The following MYO16 variants were observed in gnomAD, a reference collection of about 807,000 sequenced individuals.
The protein encoded by MYO16 is myosin XVI.
MYO16 carries 94 observed loss-of-function variants against 205.3 expected under a neutral mutation model. The ratio of observed to expected loss-of-function variants is 0.46; its 90% confidence interval spans 0.39 to 0.54. MYO16 has a LOEUF of 0.54. Among genes scored for constraint, MYO16 ranks in the 20% least tolerant of loss-of-function variants. The pLI, the probability that MYO16 is intolerant of heterozygous loss-of-function variation, is 0.00. For missense variants in MYO16, 2,315 were observed against 2,387.5 expected (o/e 0.97, Z 0.63); for synonymous variants, 988 against 954.0 (o/e 1.04, Z -0.66).
chr13:109,050,250 C>A (rs1887201285), intron 24 of MYO16, among the ~76,000 whole-genome samples: 1 of 151,908 alleles, frequency 6.6e-6, no homozygotes, highest in South Asian at 2.1e-4. Context: ...AGTTCTTCAG[C>A]TTTTCTCTCT....
At chr13:108,876,345 C>A (rs1302540044) in intron 12 of MYO16, among the ~76,000 whole-genome samples, 3 of 151,736 alleles carry the variant, frequency 2.0e-5, no homozygotes, top group Non-Finnish European at 4.4e-5. Context: ...TGGGATGCAT[C>A]TTTAAGGGTA....
At chr13:108,569,540 T>C in the MYO16 span, among the ~76,000 whole-genome samples, 2 of 152,166 alleles carry the variant, frequency 1.3e-5, no homozygotes, top group African/African-American at 4.8e-5. Context: ...CTGATAGATT[T>C]ATGGTGTATA....
At chr13:108,578,206 A>C in the MYO16 span, among the ~76,000 whole-genome samples, 13 of 152,160 alleles carry the variant, frequency 8.5e-5, no homozygotes. Flanking sequence ...GGATTTGTGC[A>C]TTTGTCTGAA....
chr13:108,939,894 ATATTAGCTTTAC>A, intron 16 of MYO16, among the ~76,000 whole-genome samples: 1 of 152,284 alleles, frequency 6.6e-6, no homozygotes, highest in Admixed American at 6.5e-5. Flanking sequence ...TTCATATCAT[ATATTAGCTTTAC>A]TGTATCTGTG....
the MYO16 span, among the ~76,000 whole-genome samples, chr13:108,587,230 A>G: frequency 1.3e-5 from 2 of 152,298 alleles, no homozygotes; most frequent in South Asian, 2.1e-4. Flanking sequence ...TATGACCATG[A>G]CTGTGAGGAG....
At chr13:108,497,114 A>G in the MYO16 span, among the ~76,000 whole-genome samples, 5 of 152,298 alleles carry the variant, frequency 3.3e-5, no homozygotes, top group African/African-American at 1.2e-4. Context: ...TAGAATCTAG[A>G]GGAAGAACAA....
intron 28 of MYO16, among the ~76,000 whole-genome samples, chr13:109,119,761 T>A (rs9555559): frequency 0.072 from 10,962 of 152,232 alleles, 860 homozygotes; most frequent in East Asian, 0.43. Flanking sequence ...AGTATGTTCA[T>A]CCCTACTACT....
At chr13:108,972,280 T>TATATATATATATATA (rs57199843) in intron 20 of MYO16, among the ~76,000 whole-genome samples, 1 of 73,888 alleles carries the variant, frequency 1.4e-5, no homozygotes, top group Non-Finnish European at 2.6e-5. Flanking sequence ...TATATATATA[T>TATATATATATATATA]TTACCAGCCA....
intron 9 of MYO16, among the ~76,000 whole-genome samples, chr13:108,837,082 C>A (rs886230543): frequency 2.0e-5 from 3 of 152,156 alleles, no homozygotes; most frequent in African/African-American, 7.2e-5. Flanking sequence ...ATTGTAGTTC[C>A]CATAATCCCC....
chr13:108,743,767 C>T (rs761159223), intron 4 of MYO16, among the ~76,000 whole-genome samples: 1 of 152,222 alleles, frequency 6.6e-6, no homozygotes, highest in Admixed American at 6.5e-5. Context: ...GGAACCAAAG[C>T]ATTCTGTCAT....
chr13:108,507,006 A>G, the MYO16 span, among the ~76,000 whole-genome samples: 1 of 152,178 alleles, frequency 6.6e-6, no homozygotes, highest in Non-Finnish European at 1.5e-5. Flanking sequence ...TTGTATGTTG[A>G]ACCATCCTTA....
intron 11 of MYO16, among the ~76,000 whole-genome samples, chr13:108,861,736 A>G (rs1398211100): frequency 6.6e-6 from 1 of 152,046 alleles, no homozygotes; most frequent in African/African-American, 2.4e-5. Context: ...TTTGTTGTTC[A>G]TTTGATTATC....
intron 16 of MYO16, among the ~76,000 whole-genome samples, chr13:108,920,588 AG>A (rs1245059965): frequency 6.6e-6 from 1 of 152,144 alleles, no homozygotes; most frequent in Non-Finnish European, 1.5e-5. Flanking sequence ...CCTCCCGAGT[AG>A]CTGGGATTAC....
At chr13:108,586,804 C>T in the MYO16 span, among the ~76,000 whole-genome samples, 3 of 152,194 alleles carry the variant, frequency 2.0e-5, no homozygotes, top group African/African-American at 7.2e-5. Flanking sequence ...TCCTTAACCC[C>T]TCAGTCTGGA....
At chr13:109,168,583 G>A (rs1878791616) in intron 33 of MYO16, among the ~76,000 whole-genome samples, 1 of 152,046 alleles carries the variant, frequency 6.6e-6, no homozygotes, top group Non-Finnish European at 1.5e-5. Context: ...AAATCAGCTG[G>A]GCTTGGTGGT....
chr13:109,150,273 C>T (rs1173213681), intron 32 of MYO16, among the ~76,000 whole-genome samples: 2 of 152,132 alleles, frequency 1.3e-5, no homozygotes, highest in Admixed American at 6.5e-5. Flanking sequence ...AAACCGACAT[C>T]GGTAACAGCA....
chr13:109,085,503 G>A (rs1888412639), intron 27 of MYO16, among the ~76,000 whole-genome samples: 1 of 152,174 alleles, frequency 6.6e-6, no homozygotes, highest in Admixed American at 6.5e-5. Context: ...GAGGATGGAT[G>A]GAGACAGCAA....
chr13:108,519,317 T>C, the MYO16 span, among the ~76,000 whole-genome samples: 20,987 of 152,130 alleles, frequency 0.14, 1,630 homozygotes, highest in Middle Eastern at 0.21. Flanking sequence ...CAGCCTGCTT[T>C]ATAAAGTAAA....
chr13:108,892,352 G>A (rs1880214614), intron 14 of MYO16, among the ~76,000 whole-genome samples: 1 of 151,972 alleles, frequency 6.6e-6, no homozygotes, highest in African/African-American at 2.4e-5. Flanking sequence ...CAATTCTCCT[G>A]CCTCAGCCTC....
Sources: allele counts gnomAD v4.1 joint callset (sites outside exome capture counted in the v4.1 genomes callset), GRCh38; gene constraint gnomAD v4.1.1; transcripts MANE v1.5; gene names NCBI Gene and HGNC (gene_info 2026-07-23, HGNC 2026-07-21).